Variants in CDH4 observed in about 807,000 individuals in gnomAD.
CDH4 encodes cadherin 4.
A neutral mutation model predicts 86.0 loss-of-function variants in CDH4; 33 were observed. The observed-to-expected ratio is 0.38, with a 90% CI of 0.29 to 0.51. CDH4 has a LOEUF of 0.51. CDH4 is among the 20% of genes least tolerant of loss of function. The pLI is 0.86. For synonymous variants in CDH4, 555 were observed against 549.4 expected (o/e 1.01, Z -0.14); for missense variants, 1,114 against 1,307.4 (o/e 0.85, Z 2.28).
Position 61,844,829 on chromosome 20 carries a change from T to C in CDH4, c.732+6T>C. ...AGGAGCACGCCTCTTACCACGTGAG[T>C]GTCCACACCCGGCTGAGAATGGGGC... On this transcript the variant is annotated splice_donor_region_variant and intron_variant, in intron 5 of 15. Transcript: ENST00000614565. 6.2e-7 allele frequency: 1 copy of C among 1,607,134 alleles called. No homozygotes were observed. Among genetic ancestry groups the C allele is most frequent in the South Asian group, 1.1e-5 (1 of 90,332 alleles).
At chr20:61,669,856 G>T (rs1377967621) in intron 2 of CDH4, among the ~76,000 whole-genome samples, 2 of 152,170 alleles carry the variant, frequency 1.3e-5, no homozygotes, top group Non-Finnish European at 2.9e-5. Flanking sequence ...ATAAATCTAT[G>T]CAGGACACGG....
chr20:61,886,564 C>T (rs982427861), intron 7 of CDH4, among the ~76,000 whole-genome samples: 5 of 152,182 alleles, frequency 3.3e-5, no homozygotes, highest in Non-Finnish European at 2.9e-5. Context: ...GCAGGACTCC[C>T]GCTGCCCGCC....
chr20:61,616,869 G>A (rs1448574058), intron 2 of CDH4, among the ~76,000 whole-genome samples: 1 of 152,158 alleles, frequency 6.6e-6, no homozygotes, highest in East Asian at 1.9e-4. Flanking sequence ...CCTGGTCAGG[G>A]TCCCCGCTGC....
At chr20:61,529,329 A>G (rs1466538520) in intron 2 of CDH4, among the ~76,000 whole-genome samples, 2 of 152,234 alleles carry the variant, frequency 1.3e-5, no homozygotes, top group African/African-American at 2.4e-5. Context: ...TCATAATAAA[A>G]CTGGTAATAA....
intron 4 of CDH4, among the ~76,000 whole-genome samples, chr20:61,839,693 TTG>T (rs776019519): frequency 1.6e-4 from 25 of 151,602 alleles, no homozygotes; most frequent in South Asian, 1.5e-3. Context: ...TATTGTGTAT[TTG>T]TGTGTTTGTT....
chr20:61,728,286 G>A (rs6121783), intron 2 of CDH4, among the ~76,000 whole-genome samples: 2,669 of 152,318 alleles, frequency 0.018, 73 homozygotes, highest in African/African-American at 0.06. Context: ...CATCCAGGAA[G>A]CTCTTCATAG....
At chr20:61,719,762 T>A (rs1374749777) in intron 2 of CDH4, 1 of 152,486 alleles carries the variant, frequency 6.6e-6, no homozygotes, top group Admixed American at 6.5e-5. Context: ...GCCCTGTCTC[T>A]CGTCACTTCC....
At chr20:61,514,083 C>G (rs1392589820) in intron 2 of CDH4, among the ~76,000 whole-genome samples, 1 of 152,240 alleles carries the variant, frequency 6.6e-6, no homozygotes, top group African/African-American at 2.4e-5. Flanking sequence ...CAGGCAAAAT[C>G]ATAAATCAAT....
intron 2 of CDH4, among the ~76,000 whole-genome samples, chr20:61,351,301 C>T (rs933257768): frequency 2.0e-5 from 3 of 152,194 alleles, no homozygotes; most frequent in African/African-American, 4.8e-5. Flanking sequence ...ATAGCATTTA[C>T]ATTGTATTCC....
At chr20:61,385,697 C>T (rs932125441) in intron 2 of CDH4, among the ~76,000 whole-genome samples, 1 of 152,148 alleles carries the variant, frequency 6.6e-6, no homozygotes, top group East Asian at 1.9e-4. Context: ...TGTAGCTTCT[C>T]CACACGCCAG....
chr20:61,493,846 C>G (rs972822130), intron 2 of CDH4, among the ~76,000 whole-genome samples: 2 of 152,210 alleles, frequency 1.3e-5, no homozygotes, highest in South Asian at 4.1e-4. Context: ...ACAGGTGGCC[C>G]CCACCCCAGT....
intron 2 of CDH4, among the ~76,000 whole-genome samples, chr20:61,557,333 G>T (rs1230191218): frequency 6.6e-6 from 1 of 152,184 alleles, no homozygotes; most frequent in Non-Finnish European, 1.5e-5. Flanking sequence ...AGGAATATTC[G>T]CACAACCCAG....
At chr20:61,530,263 T>G (rs6142790) in intron 2 of CDH4, among the ~76,000 whole-genome samples, 8,072 of 152,174 alleles carry the variant, frequency 0.053, 537 homozygotes, top group East Asian at 0.35. Flanking sequence ...ACTCCTGACC[T>G]CAAGTGATCC....
At chr20:61,758,414 C>CG (rs2088591611) in intron 3 of CDH4, among the ~76,000 whole-genome samples, 1 of 152,176 alleles carries the variant, frequency 6.6e-6, no homozygotes, top group Non-Finnish European at 1.5e-5. Flanking sequence ...TGTGGATAGG[C>CG]TGTACGTTCT....
At chr20:61,836,264 G>A (rs1331649881) in intron 4 of CDH4, among the ~76,000 whole-genome samples, 1 of 152,228 alleles carries the variant, frequency 6.6e-6, no homozygotes, top group African/African-American at 2.4e-5. Context: ...GAAGAGCCGG[G>A]AGAGTCTCCT....
chr20:61,252,752 A>G lies in CDH4; in HGVS notation c.57+182A>G, dbSNP rs2084070240. Among the ~76,000 whole-genome samples the G allele has an allele frequency of 6.7e-6, 1 of 149,974 alleles. No homozygotes were observed. The highest frequency in any genetic ancestry group is 6.6e-5 in the Admixed American group (1 of 15,108). On this transcript the variant is annotated intron_variant, in intron 1 of 15. Coordinates refer to ENST00000614565, the MANE Select transcript of CDH4 (RefSeq NM_001794.5). This position sits in a 1 kb window ranked among gnomAD's most constrained non-coding sequence, Gnocchi z 4.4. ...CTGCCTGCGGTCGGCAGGAGCGGGA[A>G]GCCGCCTGGGCAGCGGGGAGCGGCG...
intron 5 of CDH4, among the ~76,000 whole-genome samples, chr20:61,852,052 C>T (rs1403287844): frequency 6.6e-6 from 1 of 152,216 alleles, no homozygotes; most frequent in Non-Finnish European, 1.5e-5. Flanking sequence ...TTCAGCTCTT[C>T]CCTTTTCACC....
At chr20:61,563,327 G>A (rs980562063) in intron 2 of CDH4, among the ~76,000 whole-genome samples, 6 of 152,220 alleles carry the variant, frequency 3.9e-5, no homozygotes, top group Non-Finnish European at 5.9e-5. Flanking sequence ...TCCTTGAAAC[G>A]CCTTGGGAAG....
At chr20:61,686,405 G>C (rs2087573828) in intron 2 of CDH4, among the ~76,000 whole-genome samples, 1 of 152,070 alleles carries the variant, frequency 6.6e-6, no homozygotes, top group Non-Finnish European at 1.5e-5. Flanking sequence ...ATTCACGTGT[G>C]TATGTGCCTG....
Sources: gnomAD v4.1 joint callset for allele counts (sites outside exome capture counted in the v4.1 genomes callset) on GRCh38, gnomAD v4.1.1 for gene constraint, Gnocchi (gnomAD v3.1) non-coding constraint, MANE v1.5 for transcripts, NCBI Gene and HGNC (gene_info 2026-07-23, HGNC 2026-07-21) for gene names.